The following NF1 variants were observed in gnomAD, a reference collection of about 807,000 sequenced individuals.
NF1 encodes neurofibromin.
NF1 carries 122 observed loss-of-function variants against 325.7 expected under a neutral mutation model. That is an observed-to-expected ratio of 0.37 (90% confidence interval 0.32 to 0.44). NF1 has a LOEUF of 0.44. Ranked by LOEUF, NF1 falls within the 20% of genes least tolerant of loss-of-function variation. The pLI is 1.00. For missense variants in NF1, 2,140 were observed against 3,415.4 expected, an observed-to-expected ratio of 0.63 and a Z score of 9.31; for synonymous variants, 1,091 against 1,186.0, an observed-to-expected ratio of 0.92 and a Z score of 1.65.
intron 2 of NF1, among the ~76,000 whole-genome samples, chr17:31,158,767 C>T (rs1039399014): frequency 6.6e-6 from 1 of 152,110 alleles, no homozygotes; most frequent in African/African-American, 2.4e-5. Context: ...TGAAGCAAAA[C>T]AGCATCTTTT....
At chr17:31,214,035 G>A (rs2066775787) in intron 12 of NF1, among the ~76,000 whole-genome samples, 1 of 152,104 alleles carries the variant, frequency 6.6e-6, no homozygotes, top group Non-Finnish European at 1.5e-5. Flanking sequence ...TAGAGTCTAT[G>A]AAATACTTGT....
At chr17:31,233,239 G>T in intron 27 of NF1, 26 bp downstream of exon 27, 1 of 1,582,868 alleles carries the variant, frequency 6.3e-7, no homozygotes, top group Non-Finnish European at 8.7e-7. Context: ...AAGCGGGGAA[G>T]AAAAGTGCCT....
intron 7 of NF1, 91 bp downstream of exon 7, chr17:31,181,876 G>A (rs1597659005): frequency 1.1e-6 from 1 of 885,432 alleles, no homozygotes; most frequent in East Asian, 2.5e-5. Flanking sequence ...AGTTATTTTT[G>A]TTATAAAGGT....
intron 33 of NF1, among the ~76,000 whole-genome samples, 183 bp downstream of exon 33, chr17:31,259,312 A>G (rs1026481670): frequency 6.6e-6 from 1 of 152,116 alleles, no homozygotes; most frequent in Non-Finnish European, 1.5e-5. Context: ...ATAAATTAAT[A>G]TTTTTTATAA....
At chr17:31,372,585 C>T (rs1475304723) in intron 57 of NF1, among the ~76,000 whole-genome samples, 1 of 152,130 alleles carries the variant, frequency 6.6e-6, no homozygotes, top group Non-Finnish European at 1.5e-5. Flanking sequence ...CCTCATGCCC[C>T]CTTAAGTCAC....
chr17:31,120,890 T>G (rs1914367665), intron 1 of NF1, among the ~76,000 whole-genome samples: 1 of 152,200 alleles, frequency 6.6e-6, no homozygotes, highest in Non-Finnish European at 1.5e-5. Flanking sequence ...AATCAAAAGT[T>G]AAAGAAAGCA....
At chr17:31,131,342 C>A (rs1236181173) in intron 1 of NF1, among the ~76,000 whole-genome samples, 1 of 152,186 alleles carries the variant, frequency 6.6e-6, no homozygotes, top group Admixed American at 6.5e-5. Context: ...CCAGAGTCCC[C>A]TGGTGAGAGT....
chr17:31,141,630 T>G (rs1916225587), intron 1 of NF1, among the ~76,000 whole-genome samples: 1 of 152,224 alleles, frequency 6.6e-6, no homozygotes, highest in Non-Finnish European at 1.5e-5. Flanking sequence ...ACACATTACT[T>G]CAAAACTTAG....
At chr17:31,097,145 G>GGA (rs1271627779) in intron 1 of NF1, among the ~76,000 whole-genome samples, 2 of 151,836 alleles carry the variant, frequency 1.3e-5, no homozygotes, top group African/African-American at 4.8e-5. Context: ...TGCCATATTG[G>GGA]AAAAAGATAC....
At chr17:31,311,514 A>AG (rs1248432829) in intron 36 of NF1, among the ~76,000 whole-genome samples, 2 of 152,234 alleles carry the variant, frequency 1.3e-5, no homozygotes. Context: ...AAACCGTAAA[A>AG]GAAAAAACCA....
chr17:31,164,017 A>T (rs1255128332), intron 4 of NF1, among the ~76,000 whole-genome samples: 3 of 152,250 alleles, frequency 2.0e-5, no homozygotes, highest in Admixed American at 6.5e-5. Context: ...TTGAGTATTT[A>T]TAGCATTTCC....
intron 54 of NF1, chr17:31,357,609 T>C (rs182513333): frequency 6.7e-4 from 369 of 551,118 alleles, no homozygotes; most frequent in Non-Finnish European, 8.4e-4. Context: ...TTTATTTTGA[T>C]GATCATTGCT....
chr17:31,132,040 C>T (rs1915432279), intron 1 of NF1, among the ~76,000 whole-genome samples: 1 of 152,098 alleles, frequency 6.6e-6, no homozygotes, highest in Non-Finnish European at 1.5e-5. Flanking sequence ...AAGCAGTCCT[C>T]CCACCTTAGC....
chr17:31,192,655 A>G (rs1166424408), intron 8 of NF1, among the ~76,000 whole-genome samples: 1 of 152,206 alleles, frequency 6.6e-6, no homozygotes, highest in Admixed American at 6.5e-5. Context: ...AAGGAAAACA[A>G]AGGGAAAAGG....
chr17:31,110,779 C>G (rs1913330242), intron 1 of NF1, among the ~76,000 whole-genome samples: 1 of 151,848 alleles, frequency 6.6e-6, no homozygotes. Flanking sequence ...AATGAACATT[C>G]TAGGAATCAA....
chr17:31,335,020 A>G lies in NF1; in HGVS notation c.5995A>G (p.Ser1999Gly), dbSNP rs753703741. ...YPSIQAKIWGSLGQITDLLDV... is the reference protein window; with the variant it reads ...YPSIQAKIWGGLGQITDLLDV... ...ATCTATTCAAGCAAAAATATGGGGA[A>G]GCCTTGGGCAGGTATTGAGTTTGCT... is the stretch of plus-strand genomic sequence containing the variant. The change falls in exon 40 of 58, where the codon AGC (serine) becomes GGC (glycine). Residue 1999 changes from serine (S) to glycine (G), a missense_variant. By Grantham distance (56) the Ser-to-Gly change is moderately conservative. Coordinates refer to ENST00000358273, the MANE Select transcript of NF1 (RefSeq NM_001042492.3). 2 of 1,612,480 alleles carry G rather than the reference A, an allele frequency of 1.2e-6. No individual in the cohort carries two copies. The highest frequency in any genetic ancestry group is 1.1e-5 in the South Asian group (1 of 91,032).
intron 33 of NF1, 149 bp from the exon 34 acceptor site, chr17:31,260,220 T>C (rs2067659483): frequency 1.2e-6 from 1 of 806,524 alleles, no homozygotes; most frequent in South Asian, 1.6e-5. Context: ...TCCTTTTTGC[T>C]TTGTCTAATG....
intron 5 of NF1, among the ~76,000 whole-genome samples, chr17:31,175,345 C>CTTTTTT (rs869113407): frequency 2.0e-3 from 141 of 71,334 alleles, no homozygotes; most frequent in African/African-American, 3.3e-3. Flanking sequence ...TGTGCTTTTG[C>CTTTTTT]TTTTTTTTTT....
intron 5 of NF1, among the ~76,000 whole-genome samples, chr17:31,175,234 A>G (rs1462513398): frequency 6.6e-6 from 1 of 151,640 alleles, no homozygotes; most frequent in Admixed American, 6.6e-5. Context: ...TGTTTTCTAC[A>G]TGCATAGGAA....
Sources: allele counts gnomAD v4.1 joint callset (sites outside exome capture counted in the v4.1 genomes callset), GRCh38; gene constraint gnomAD v4.1.1; transcripts MANE v1.5; gene names NCBI Gene and HGNC (gene_info 2026-07-23, HGNC 2026-07-21).